The following RPSA variants were observed in gnomAD, a reference collection of about 807,000 sequenced individuals.
RPSA encodes the protein small ribosomal subunit protein uS2.
For synonymous variants in RPSA, 103 were observed against 126.7 expected (o/e 0.81, Z 1.25); for missense variants, 140 against 372.8 (o/e 0.38, Z 5.14).
In RPSA at chr3:39,407,758, A is replaced by G. The variant is rs2041940544; in HGVS notation, c.105A>G (p.Glu35=). ...LGGTNLDFQM[E]QYIYKRKSDG... ...GCACCAATCTTGACTTCCAGATGGA[A>G]CAGTACATCTATAAAAGGAAAAGTG... The change falls in exon 2 of 7, where the codon GAA becomes GAG. Residue 35 remains glutamate (E), a synonymous_variant. Coordinates refer to ENST00000301821, the MANE Select transcript of RPSA (RefSeq NM_002295.6). 3 of 1,597,602 alleles carry G rather than the reference A, an allele frequency of 1.9e-6. No individual in the cohort carries two copies. The highest frequency in any genetic ancestry group is 1.1e-5 in the South Asian group (1 of 91,066).
rs752222852 is a variant in RPSA at position 39,407,744 on chromosome 3, G to C, written c.91G>C (p.Asp31His). Residue 31 changes from aspartate to histidine, a missense_variant, in exon 2 of 7, where the codon GAC (aspartate) becomes CAC (histidine). By Grantham distance (81) the Asp-to-His change is moderately conservative (BLOSUM62 -1). Transcript: ENST00000301821. ...AACCCACTTAGGTGGCACCAATCTT[G>C]ACTTCCAGATGGAACAGTACATCTA... is the stretch of plus-strand genomic sequence containing the variant. ...AGTHLGGTNL[D>H]FQMEQYIYKR... 6.3e-7 allele frequency: 1 copy of C among 1,597,762 alleles called. No homozygotes were observed. Among genetic ancestry groups the C allele is most frequent in the Non-Finnish European group, 8.5e-7 (1 of 1,179,198 alleles).
intron 3 of RPSA, chr3:39,409,003 T>G (rs1207084837): frequency 5.7e-6 from 2 of 353,088 alleles, no homozygotes; most frequent in African/African-American, 2.1e-5. Flanking sequence ...GAGAATGGCG[T>G]GAACCCGGTG....
intron 3 of RPSA, 122 bp from the exon 4 acceptor site, chr3:39,410,632 G>A (rs2077797): frequency 0.47 from 519,827 of 1,097,916 alleles, 129,147 homozygotes; most frequent in East Asian, 0.61. Flanking sequence ...GGAAAGCTGG[G>A]TATGTGCCTG....
intron 3 of RPSA, chr3:39,410,229 A>AT (rs11431351): frequency 0.27 from 42,435 of 158,528 alleles, 6,286 homozygotes; most frequent in Non-Finnish European, 0.32. Context: ...TATTTTAATA[A>AT]TTTTTCTGTT....
chr3:39,409,765 T>TG (rs2041978375), intron 3 of RPSA, among the ~76,000 whole-genome samples: 1 of 152,040 alleles, frequency 6.6e-6, no homozygotes, highest in Non-Finnish European at 1.5e-5. Context: ...GTCCAGGAGC[T>TG]GGGGGCTGCA....
intron 3 of RPSA, chr3:39,410,247 C>A: frequency 6.3e-6 from 1 of 158,764 alleles, no homozygotes; most frequent in Admixed American, 5.9e-5. Flanking sequence ...GTTGAGAAAA[C>A]TAGTAGATTT....
At position 39,407,700 on chromosome 3, in the gene RPSA, T is replaced by C; in HGVS notation, c.47T>C (p.Leu16Pro). 2 of 1,594,200 alleles carry C rather than the reference T, an allele frequency of 1.3e-6. No individual in the cohort carries two copies. Among genetic ancestry groups the C allele is most frequent in the Non-Finnish European group, 1.7e-6 (2 of 1,175,898 alleles). The stretch of plus-strand genomic sequence containing the variant: ...CTGCAAATGAAGGAGGAGGATGTCC[T>C]TAAGTTCCTTGCAGCAGGAACCCAC... ...DVLQMKEEDVLKFLAAGTHLG... is the reference protein window; with the variant it reads ...DVLQMKEEDVPKFLAAGTHLG... The change falls in exon 2 of 7, where the codon CTT becomes CCT. Residue 16 changes from leucine (L) to proline (P), a missense_variant. Transcript: ENST00000301821.
intron 2 of RPSA, chr3:39,408,330 A>T (rs772481521): frequency 1.6e-5 from 10 of 609,966 alleles, no homozygotes; most frequent in Non-Finnish European, 2.4e-5. Context: ...TTAAGAACCA[A>T]TGATGGAATA....
chr3:39,407,851 C>T lies in RPSA; in HGVS notation c.133+65C>T, dbSNP rs150608952. ...GTACAAATTTTGAGCTTGCTATTCT[C>T]GTGGTTAGTTCTGGGTAATTTCTTT... On this transcript the variant is annotated intron_variant, in intron 2 of 6. Coordinates refer to ENST00000301821, the MANE Select transcript of RPSA (RefSeq NM_002295.6). The T allele has an allele frequency of 1.4e-3, 1,850 of 1,352,760 alleles. 16 individuals are homozygous for T. Among genetic ancestry groups the T allele is most frequent in the Middle Eastern group, 6.8e-3 (38 of 5,556 alleles). The allele number at this position is 1,352,760 out of a possible 1,614,324, so 83.8% of individuals were successfully genotyped here. A position where few individuals can be genotyped will look rare whatever the true frequency, so the allele number is the denominator to read the frequency against.
chr3:39,407,590 T>C, intron 1 of RPSA, 31 bp from the exon 2 acceptor site: 1 of 1,537,318 alleles, frequency 6.5e-7, no homozygotes, highest in Non-Finnish European at 8.9e-7. Context: ...CTCAATGGAA[T>C]GAAAAGAAAT....
At position 39,410,444 on chromosome 3, in the gene RPSA, G is replaced by T. The variant is rs539110510; in HGVS notation, c.253-310G>T. ...TAGTTTGGTACACAGTAGAAAAAAGGCAGTTAGTTATTGCTGTAGAATGAA... is the reference window on the plus strand; with the variant it reads ...TAGTTTGGTACACAGTAGAAAAAAGTCAGTTAGTTATTGCTGTAGAATGAA... On this transcript the variant is annotated intron_variant, in intron 3 of 6. Coordinates refer to ENST00000301821, the MANE Select transcript of RPSA (RefSeq NM_002295.6). 3.9e-4 allele frequency: 153 copies of T among 392,846 alleles called. 2 individuals are homozygous for T. The Middle Eastern group carries it at 0.01, about 27-fold the overall frequency. The allele number at this position is 392,846 out of a possible 1,614,324, so 24.3% of individuals were successfully genotyped here.
At chr3:39,410,504 T>A (rs2041990610) in intron 3 of RPSA, 2 of 510,060 alleles carry the variant, frequency 3.9e-6, no homozygotes, top group South Asian at 2.1e-5. Flanking sequence ...GAGAAAAATA[T>A]ACTGAGCATC....
At position 39,410,739 on chromosome 3, in the gene RPSA, T is replaced by G; in HGVS notation, c.253-15T>G. ...GTGGAATATCGAGTACCACTAACTT[T>G]TAAATTCTTCAAAGAGGGCTGTGCT... On this transcript the variant is annotated splice_polypyrimidine_tract_variant and intron_variant, in intron 3 of 6. Transcript: ENST00000301821. 1.2e-6 allele frequency: 2 copies of G among 1,613,916 alleles called. No individual in the cohort carries two copies. Among genetic ancestry groups the G allele is most frequent in the Non-Finnish European group, 8.5e-7 (1 of 1,179,852 alleles).
chr3:39,408,219 A>G, intron 2 of RPSA: 1 of 392,160 alleles, frequency 2.5e-6, no homozygotes, highest in Non-Finnish European at 4.9e-6. Context: ...AAAGCTACCA[A>G]GGACTTGGGA....
chr3:39,411,892 C>A lies in RPSA; in HGVS notation c.628-4C>A. On this transcript the variant is annotated splice_region_variant and splice_polypyrimidine_tract_variant and intron_variant, in intron 5 of 6. Coordinates refer to ENST00000301821, the MANE Select transcript of RPSA (RefSeq NM_002295.6). Reference sequence around the variant, plus strand: ...GTCTTTCCTCTTTTTTTTTTGTAACCCAGATTGAAAAAGAAGAGCAGGCTG... The same window carrying A: ...GTCTTTCCTCTTTTTTTTTTGTAACACAGATTGAAAAAGAAGAGCAGGCTG... 1 of 1,598,240 alleles carries A rather than the reference C, an allele frequency of 6.3e-7. No individual in the cohort carries two copies. The highest frequency in any genetic ancestry group is 8.5e-7 in the Non-Finnish European group (1 of 1,179,562).
Position 39,408,631 on chromosome 3 carries a change from G to T in RPSA, c.159G>T (p.Arg53Ser), listed in dbSNP as rs2041956520. Residue 53 changes from arginine (R) to serine (S), a missense_variant, in exon 3 of 7, where the codon AGG becomes AGT. Transcript: ENST00000301821. ...GCATCTATATCATAAATCTCAAGAGGACCTGGGAGAAGCTTCTGCTGGCAG... is the reference window on the plus strand; with the variant it reads ...GCATCTATATCATAAATCTCAAGAGTACCTGGGAGAAGCTTCTGCTGGCAG... Reference protein sequence around the residue: ...SDGIYIINLKRTWEKLLLAAR... With the variant: ...SDGIYIINLKSTWEKLLLAAR... 1.2e-6 allele frequency: 2 copies of T among 1,610,216 alleles called. No individual in the cohort carries two copies. The highest frequency in any genetic ancestry group is 4.5e-5 in the East Asian group (2 of 44,860).
At position 39,408,662 on chromosome 3, in the gene RPSA, G is replaced by A; in HGVS notation, c.190G>A (p.Ala64Thr). Residue 64 changes from alanine to threonine, a missense_variant, in exon 3 of 7, where the codon GCA becomes ACA. Transcript: ENST00000301821. Reference sequence around the variant, plus strand: ...GGAGAAGCTTCTGCTGGCAGCTCGTGCAATTGTTGCCATTGAAAACCCTGC... The same window carrying A: ...GGAGAAGCTTCTGCTGGCAGCTCGTACAATTGTTGCCATTGAAAACCCTGC... ...TWEKLLLAAR[A>T]IVAIENPADV... 2 of 1,613,734 alleles carry A rather than the reference G, an allele frequency of 1.2e-6. No homozygotes were observed. The highest frequency in any genetic ancestry group is 1.7e-6 in the Non-Finnish European group (2 of 1,179,650).
chr3:39,408,954 C>T lies in RPSA; in HGVS notation c.252+230C>T, dbSNP rs144505006. 237 of 444,662 alleles carry T rather than the reference C, an allele frequency of 5.3e-4. 1 individual carries two copies. The highest frequency in any genetic ancestry group is 8.2e-4 in the Non-Finnish European group (197 of 240,450). 27.5% of individuals were successfully genotyped at this position (444,662 alleles called of 1,614,324 possible). A position where few individuals can be genotyped will look rare whatever the true frequency, so the allele number is the denominator to read the frequency against. On this transcript the variant is annotated intron_variant, in intron 3 of 6. Coordinates refer to ENST00000301821, the MANE Select transcript of RPSA (RefSeq NM_002295.6). ...ACAAAAAATTAGTTGGGCGTGGGGG[C>T]GGGTGCCTGTAGTCCCAGCTACTCA... is the stretch of plus-strand genomic sequence containing the variant.
In RPSA at chr3:39,411,781, A is replaced by G. The variant is rs758186843; in HGVS notation, c.627+4A>G. The G allele has an allele frequency of 8.8e-6, 14 of 1,599,672 alleles. No individual in the cohort carries two copies. The highest frequency in any genetic ancestry group is 1.2e-5 in the Non-Finnish European group (14 of 1,179,958). ...CTTCTACAGAGATCCTGAAGAGGTA[A>G]GCTTCTCCAAAGGCTTGTGGTTACA... On this transcript the variant is annotated splice_donor_region_variant and intron_variant, in intron 5 of 6. Transcript: ENST00000301821.
Sources: gnomAD v4.1 joint callset for allele counts (sites outside exome capture counted in the v4.1 genomes callset) on GRCh38, gnomAD v4.1.1 for gene constraint, MANE v1.5 for transcripts, NCBI Gene and HGNC (gene_info 2026-07-23, HGNC 2026-07-21) for gene names.